LHFPL3: variants seen among roughly 807,000 people sequenced by gnomAD.
LHFPL3 encodes the protein LHFPL tetraspan subfamily member 3 protein.
A neutral mutation model predicts 19.3 loss-of-function variants in LHFPL3; 5 were observed. The observed-to-expected ratio is 0.26, with a 90% CI of 0.14 to 0.54. LHFPL3 has a LOEUF of 0.54. Among genes scored for constraint, LHFPL3 ranks in the 20% least tolerant of loss-of-function variants. The pLI is 0.94. For synonymous variants in LHFPL3, 133 were observed against 126.2 expected, an observed-to-expected ratio of 1.05 and a Z score of -0.36; for missense variants, 249 against 307.4, an observed-to-expected ratio of 0.81 and a Z score of 1.42.
At chr7:104,434,904 TATA>T (rs1332647338) in intron 1 of LHFPL3, among the ~76,000 whole-genome samples, 1 of 152,148 alleles carries the variant, frequency 6.6e-6, no homozygotes, top group Non-Finnish European at 1.5e-5. Flanking sequence ...ATATTAACAA[TATA>T]ATTATTTTTA....
intron 1 of LHFPL3, among the ~76,000 whole-genome samples, chr7:104,430,944 G>A (rs1486483737): frequency 6.6e-6 from 1 of 151,888 alleles, no homozygotes; most frequent in African/African-American, 2.4e-5. Context: ...CAGATTTGAG[G>A]TGGTTTTGAA....
At chr7:104,647,940 T>A (rs2115924591) in intron 1 of LHFPL3, among the ~76,000 whole-genome samples, 1 of 152,308 alleles carries the variant, frequency 6.6e-6, no homozygotes, top group Non-Finnish European at 1.5e-5. Flanking sequence ...ATTGACACAG[T>A]GGATGGTACT....
intron 2 of LHFPL3, among the ~76,000 whole-genome samples, chr7:104,782,706 G>C (rs760454329): frequency 6.6e-6 from 1 of 152,172 alleles, no homozygotes; most frequent in Non-Finnish European, 1.5e-5. Context: ...CCTTTAGGGG[G>C]AAGCCAAAAC....
At chr7:104,817,343 T>G (rs1790574238) in intron 2 of LHFPL3, among the ~76,000 whole-genome samples, 1 of 152,108 alleles carries the variant, frequency 6.6e-6, no homozygotes, top group African/African-American at 2.4e-5. Context: ...AAGGGCCTCC[T>G]CCCTTTTTCT....
rs1801509575 is a variant in LHFPL3, at chr7:104,328,714, T to G, written c.-66T>G. On this transcript the variant is annotated 5_prime_UTR_variant, in exon 1 of 3. Coordinates refer to ENST00000424859, the MANE Select transcript of LHFPL3 (RefSeq NM_199000.3). This position sits in a 1 kb window ranked among gnomAD's most constrained non-coding sequence, Gnocchi z 4.6. ...CGCGAGGCTCCGTGAGTGTGTCTCC[T>G]GCGCGCTGAGAGGCGGGGGGAGGCG... 2 of 1,423,818 alleles carry G rather than the reference T, an allele frequency of 1.4e-6. No individual in the cohort carries two copies. Among genetic ancestry groups the G allele is most frequent in the Middle Eastern group, 4.3e-4 (2 of 4,704 alleles). 88.2% of individuals were successfully genotyped at this position (1,423,818 alleles called of 1,614,324 possible).
chr7:104,504,255 C>G (rs1221611061), intron 1 of LHFPL3, among the ~76,000 whole-genome samples: 1 of 152,136 alleles, frequency 6.6e-6, no homozygotes, highest in South Asian at 2.1e-4. Flanking sequence ...TGTCCTTAAC[C>G]CTTAGCTATT....
At position 104,713,496 on chromosome 7, in the gene LHFPL3, A is replaced by T. The variant is rs561866631; in HGVS notation, c.446-23179A>T. 1.3e-4 allele frequency among the ~76,000 whole-genome samples: 20 copies of T among 152,272 alleles called. No homozygotes were observed. In the South Asian group the frequency reaches 3.7e-3, roughly 28 times the overall value. On this transcript the variant is annotated intron_variant, in intron 1 of 2. Transcript: ENST00000424859. ...GGAAGAGAGAAGGGGGAGGTGCTACACACTTCCAAACAACCAGATCTCATG... is the reference window on the plus strand; with the variant it reads ...GGAAGAGAGAAGGGGGAGGTGCTACTCACTTCCAAACAACCAGATCTCATG...
intron 2 of LHFPL3, among the ~76,000 whole-genome samples, chr7:104,892,988 T>C (rs1025693747): frequency 5.3e-5 from 8 of 151,968 alleles, no homozygotes; most frequent in Non-Finnish European, 1.0e-4. Flanking sequence ...GGAGGATTGC[T>C]TGAGGCCAGG....
At chr7:104,558,137 A>G (rs1329659896) in intron 1 of LHFPL3, among the ~76,000 whole-genome samples, 1 of 150,928 alleles carries the variant, frequency 6.6e-6, no homozygotes, top group Non-Finnish European at 1.5e-5. Context: ...CGCAATAAAC[A>G]TACGTGTGCA....
intron 1 of LHFPL3, among the ~76,000 whole-genome samples, chr7:104,543,605 T>C (rs1794527951): frequency 6.6e-6 from 1 of 151,634 alleles, no homozygotes. Context: ...AGAGTTCATG[T>C]CCTTTGTAGG....
At position 104,875,140 on chromosome 7, in the gene LHFPL3, C is replaced by G. The variant is rs1258804555; in HGVS notation, c.683-31047C>G. On this transcript the variant is annotated intron_variant, in intron 2 of 2. Coordinates refer to ENST00000424859, the MANE Select transcript of LHFPL3 (RefSeq NM_199000.3). ...TTGATATTTCAGGTATGAGCCACTG[C>G]AGCCCTATATGGTGGTTCTTGCAGA... 5.3e-5 allele frequency among the ~76,000 whole-genome samples: 8 copies of G among 152,132 alleles called. 1 individual carries two copies. Among genetic ancestry groups the G allele is most frequent in the Non-Finnish European group, 1.2e-4 (8 of 68,006 alleles).
intron 1 of LHFPL3, among the ~76,000 whole-genome samples, chr7:104,543,856 G>A (rs1258706258): frequency 1.3e-5 from 2 of 150,518 alleles, no homozygotes; most frequent in Non-Finnish European, 3.0e-5. Context: ...CATGGCACAT[G>A]TATACATATG....
intron 2 of LHFPL3, among the ~76,000 whole-genome samples, chr7:104,865,076 C>T (rs1049354585): frequency 6.6e-6 from 1 of 152,100 alleles, no homozygotes; most frequent in African/African-American, 2.4e-5. Context: ...CCCATCTGTA[C>T]ATCACCATCA....
At chr7:104,472,364 A>T (rs537467367) in intron 1 of LHFPL3, among the ~76,000 whole-genome samples, 2 of 152,296 alleles carry the variant, frequency 1.3e-5, no homozygotes, top group Admixed American at 6.5e-5. Context: ...AACACGAAAC[A>T]CTATCCTCAA....
At chr7:104,510,879 A>G (rs1317828469) in intron 1 of LHFPL3, among the ~76,000 whole-genome samples, 1 of 152,172 alleles carries the variant, frequency 6.6e-6, no homozygotes, top group African/African-American at 2.4e-5. Context: ...GAGCAGAACA[A>G]TAAACACCGG....
chr7:104,861,977 A>G (rs1014600917), intron 2 of LHFPL3, among the ~76,000 whole-genome samples: 5 of 152,144 alleles, frequency 3.3e-5, no homozygotes, highest in Admixed American at 2.0e-4. Flanking sequence ...CTGCCTGTTT[A>G]TTATAAAAGC....
chr7:104,890,679 T>C (rs549587130), intron 2 of LHFPL3, among the ~76,000 whole-genome samples: 23 of 152,330 alleles, frequency 1.5e-4, no homozygotes, highest in African/African-American at 2.9e-4. Context: ...CCAGAGGCCA[T>C]GGGAGAAATG....
At chr7:104,810,222 C>T (rs1203001926) in intron 2 of LHFPL3, among the ~76,000 whole-genome samples, 3 of 152,106 alleles carry the variant, frequency 2.0e-5, no homozygotes, top group East Asian at 3.9e-4. Flanking sequence ...AGAGGCTAGC[C>T]GTGATGGGCT....
chr7:104,621,770 C>T (rs1791450542), intron 1 of LHFPL3, among the ~76,000 whole-genome samples: 1 of 152,062 alleles, frequency 6.6e-6, no homozygotes, highest in South Asian at 2.1e-4. Flanking sequence ...GATTGTTGAA[C>T]AGGAAGAAGG....
Sources: gnomAD v4.1 joint callset for allele counts (sites outside exome capture counted in the v4.1 genomes callset) on GRCh38, gnomAD v4.1.1 for gene constraint, Gnocchi (gnomAD v3.1) non-coding constraint, MANE v1.5 for transcripts, NCBI Gene and HGNC (gene_info 2026-07-23, HGNC 2026-07-21) for gene names.